SLC47A2: variants seen among roughly 807,000 people sequenced by gnomAD.
SLC47A2 encodes solute carrier family 47 member 2, also known as multidrug and toxin extrusion protein 2.
Under a neutral mutation model 67.7 loss-of-function variants are expected in SLC47A2, and 52 were observed. The ratio of observed to expected loss-of-function variants is 0.77; its 90% CI spans 0.61 to 0.97. SLC47A2 has a LOEUF of 0.97. Among genes scored for constraint, SLC47A2 ranks in the 50% least tolerant of loss-of-function variants. SLC47A2 has a pLI of 0.00. For synonymous variants in SLC47A2, 278 were observed against 292.9 expected (o/e 0.95, Z 0.52); for missense variants, 676 against 712.3 (o/e 0.95, Z 0.58).
chr17:19,710,212 G>A (rs2086057823), intron 5 of SLC47A2, among the ~76,000 whole-genome samples: 1 of 152,192 alleles, frequency 6.6e-6, no homozygotes, highest in African/African-American at 2.4e-5. Flanking sequence ...TAAGCTGCAA[G>A]TCAAACAGTG....
chr17:19,708,481 C>G (rs757809942), intron 6 of SLC47A2, 82 bp from the exon 7 acceptor site: 1 of 1,614,110 alleles, frequency 6.2e-7, no homozygotes, highest in East Asian at 2.2e-5. Flanking sequence ...GGAATGGGGA[C>G]TCCTCCTCCT....
chr17:19,680,384 G>T (rs899545420), intron 15 of SLC47A2, among the ~76,000 whole-genome samples: 5 of 152,178 alleles, frequency 3.3e-5, no homozygotes, highest in Non-Finnish European at 7.3e-5. Flanking sequence ...GGAGGCTGAG[G>T]CAGGAGAACC....
intron 10 of SLC47A2, 35 bp downstream of exon 10, chr17:19,705,401 G>T: frequency 6.3e-7 from 1 of 1,590,842 alleles, no homozygotes; most frequent in Non-Finnish European, 8.6e-7. Flanking sequence ...CATCAGGTGG[G>T]GGATGTGGGG....
chr17:19,691,387 CA>C (rs1463601921), intron 13 of SLC47A2, among the ~76,000 whole-genome samples: 5 of 152,264 alleles, frequency 3.3e-5, no homozygotes, highest in African/African-American at 1.2e-4. Context: ...GAAAATGTGG[CA>C]CGTATATACA....
chr17:19,684,694 A>C (rs2085382873), intron 13 of SLC47A2, among the ~76,000 whole-genome samples: 1 of 146,888 alleles, frequency 6.8e-6, no homozygotes, highest in Non-Finnish European at 1.5e-5. Context: ...GACTCTTTCT[A>C]CAAAAAAAAA....
chr17:19,714,050 T>A, intron 3 of SLC47A2, 77 bp from the exon 4 acceptor site: 2 of 1,528,598 alleles, frequency 1.3e-6, no homozygotes, highest in South Asian at 2.5e-5. Flanking sequence ...GAGCGGGCTG[T>A]CAGCGGCGCC....
In SLC47A2 at chr17:19,681,609, G is replaced by A. The variant is rs2152337771; in HGVS notation, c.1226C>T (p.Ala409Val). The A allele has an allele frequency of 6.2e-7, 1 of 1,614,190 alleles. No individual in the cohort carries two copies. Among genetic ancestry groups the A allele is most frequent in the Non-Finnish European group, 8.5e-7 (1 of 1,180,018 alleles). Reference protein sequence around the residue: ...GKQAFGAAVNAITYYIIGLPL... With the variant: ...GKQAFGAAVNVITYYIIGLPL... ...TAGGCCGATGATGTAATATGTGATGGCATTCACAGCGGCACCAAAGGCCTG... is the reference window on the plus strand; with the variant it reads ...TAGGCCGATGATGTAATATGTGATGACATTCACAGCGGCACCAAAGGCCTG... Residue 409 changes from alanine (A) to valine (V), a missense_variant, in exon 14 of 17, where the codon GCC becomes GTC. Coordinates refer to ENST00000433844, the MANE Select transcript of SLC47A2 (RefSeq NM_001099646.3).
intron 13 of SLC47A2, among the ~76,000 whole-genome samples, chr17:19,700,866 G>A (rs1263822607): frequency 6.6e-6 from 1 of 151,694 alleles, no homozygotes; most frequent in Non-Finnish European, 1.5e-5. Context: ...TATGAATAGT[G>A]TCTTTTAACA....
chr17:19,681,105 G>T (rs905267512), intron 15 of SLC47A2, among the ~76,000 whole-genome samples: 4 of 152,092 alleles, frequency 2.6e-5, no homozygotes, highest in Non-Finnish European at 5.9e-5. Context: ...CCCAGGTACT[G>T]GGGAGGCTGA....
At chr17:19,700,902 A>C (rs1597616504) in intron 13 of SLC47A2, among the ~76,000 whole-genome samples, 1 of 152,038 alleles carries the variant, frequency 6.6e-6, no homozygotes, top group African/African-American at 2.4e-5. Flanking sequence ...GCGGTGGCTC[A>C]CACCTGTAAT....
intron 2 of SLC47A2, 63 bp downstream of exon 2, chr17:19,715,052 CG>C (rs900773285): frequency 1.7e-5 from 27 of 1,553,684 alleles, no homozygotes; most frequent in Admixed American, 8.4e-5. Flanking sequence ...CGGGCCCACC[CG>C]GGAACCCGGT....
At chr17:19,691,967 C>A (rs1007725566) in intron 13 of SLC47A2, among the ~76,000 whole-genome samples, 1 of 152,112 alleles carries the variant, frequency 6.6e-6, no homozygotes. Context: ...CAGTGGCTCA[C>A]GCCTGTAATC....
chr17:19,684,926 A>G (rs1433153634), intron 13 of SLC47A2, among the ~76,000 whole-genome samples: 2 of 150,348 alleles, frequency 1.3e-5, no homozygotes. Flanking sequence ...GTTCACTGCA[A>G]CCTCCCTGCC....
chr17:19,684,805 T>G (rs894542831), intron 13 of SLC47A2, among the ~76,000 whole-genome samples: 1 of 151,902 alleles, frequency 6.6e-6, no homozygotes, highest in African/African-American at 2.4e-5. Context: ...AAAAAACTAC[T>G]TTTCGCCCTC....
intron 5 of SLC47A2, among the ~76,000 whole-genome samples, 188 bp from the exon 6 acceptor site, chr17:19,708,948 C>G (rs534634657): frequency 6.6e-6 from 1 of 152,320 alleles, no homozygotes; most frequent in Non-Finnish European, 1.5e-5. Flanking sequence ...CGGGCCCAGC[C>G]TATGGAAGAG....
chr17:19,699,697 A>G (rs1397374660), intron 13 of SLC47A2, among the ~76,000 whole-genome samples: 1 of 152,208 alleles, frequency 6.6e-6, no homozygotes, highest in Non-Finnish European at 1.5e-5. Flanking sequence ...GTATGCTGGC[A>G]TGAGCTCTAC....
chr17:19,702,523 C>G (rs1327481121), intron 13 of SLC47A2, 82 bp downstream of exon 13: 1 of 1,581,320 alleles, frequency 6.3e-7, no homozygotes, highest in African/African-American at 1.3e-5. Context: ...TTCATCCTCA[C>G]AGCCCTGCGA....
In SLC47A2 at chr17:19,713,904, AGAG is replaced by A; in HGVS notation, c.361_363del (p.Leu121del). ...AAGAGCGCCCAGCAAGGGAGGCAGC[AGAG>A]GAGCAGGACCAGCGCGCCCCGCTGC... On this transcript the variant is annotated inframe_deletion, in exon 4 of 17. Coordinates refer to ENST00000433844, the MANE Select transcript of SLC47A2 (RefSeq NM_001099646.3). 1 of 1,613,790 alleles carries A rather than the reference AGAG, an allele frequency of 6.2e-7. No individual in the cohort carries two copies. The highest frequency in any genetic ancestry group is 1.1e-5 in the South Asian group (1 of 91,078).
rs766559232 is a variant in SLC47A2 at position 19,704,190 on chromosome 17, G to T, written c.910-12C>A. On this transcript the variant is annotated splice_polypyrimidine_tract_variant and intron_variant, in intron 10 of 16. Coordinates refer to ENST00000433844, the MANE Select transcript of SLC47A2 (RefSeq NM_001099646.3). ...AGCCCCAAGGGAATCTGGGATCAAA[G>T]ATAAGAAAGCACTGTCAGTGGGCCC... The T allele has an allele frequency of 1.2e-5, 19 of 1,598,122 alleles. No homozygotes were observed. Among genetic ancestry groups the T allele is most frequent in the Non-Finnish European group, 1.5e-5 (18 of 1,173,016 alleles).
Sources: allele counts gnomAD v4.1 joint callset (sites outside exome capture counted in the v4.1 genomes callset), GRCh38; gene constraint gnomAD v4.1.1; transcripts MANE v1.5; gene names NCBI Gene and HGNC (gene_info 2026-07-23, HGNC 2026-07-21).